The following PPP3CA variants were observed in gnomAD, a reference collection of about 807,000 sequenced individuals.
The protein encoded by PPP3CA is CAM-PRP catalytic subunit.
In PPP3CA, 14 loss-of-function variants were observed where a neutral mutation model predicts 66.5. The ratio of observed to expected loss-of-function variants is 0.21; its 90% CI spans 0.14 to 0.33. The LOEUF (loss-of-function observed/expected upper bound fraction) is 0.33. Among genes scored for constraint, PPP3CA ranks in the 10% least tolerant of loss-of-function variants. The pLI is 1.00. For synonymous variants in PPP3CA, 232 were observed against 226.2 expected, an observed-to-expected ratio of 1.03 and a Z score of -0.23; for missense variants, 317 against 639.5, an observed-to-expected ratio of 0.50 and a Z score of 5.44.
At chr4:101,268,078 A>T (rs935820648) in intron 1 of PPP3CA, among the ~76,000 whole-genome samples, 14 of 152,006 alleles carry the variant, frequency 9.2e-5, no homozygotes, top group Non-Finnish European at 1.8e-4. Flanking sequence ...AGGATGAAGC[A>T]GGAGGATTAC....
intron 2 of PPP3CA, among the ~76,000 whole-genome samples, chr4:101,126,227 A>G (rs999261819): frequency 6.6e-6 from 1 of 152,170 alleles, no homozygotes; most frequent in African/African-American, 2.4e-5. Flanking sequence ...TATGGTGAAA[A>G]CATTTTAAGT....
chr4:101,131,488 TAAAA>T (rs747605400), intron 2 of PPP3CA, among the ~76,000 whole-genome samples: 6 of 141,590 alleles, frequency 4.2e-5, no homozygotes, highest in African/African-American at 1.3e-4. Flanking sequence ...CCAACAAAGA[TAAAA>T]AAAAAGACAA....
At chr4:101,147,479 GAC>G (rs1234769316) in intron 2 of PPP3CA, among the ~76,000 whole-genome samples, 1 of 152,084 alleles carries the variant, frequency 6.6e-6, no homozygotes, top group African/African-American at 2.4e-5. Context: ...ACTAAAAAAA[GAC>G]ACAGAGTTCC....
At chr4:101,088,356 C>T (rs1439522750) in intron 6 of PPP3CA, among the ~76,000 whole-genome samples, 2 of 151,784 alleles carry the variant, frequency 1.3e-5, no homozygotes, top group South Asian at 2.1e-4. Flanking sequence ...GAGGCCGAGG[C>T]GGGTGGATCA....
intron 3 of PPP3CA, among the ~76,000 whole-genome samples, chr4:101,106,460 GA>G (rs1560605225): frequency 0.16 from 3,775 of 23,066 alleles, 731 homozygotes; most frequent in African/African-American, 0.22. Flanking sequence ...AAAGAGAAAA[GA>G]AAAGAAAAGA....
At chr4:101,237,750 TGCA>T (rs1726173434) in intron 1 of PPP3CA, among the ~76,000 whole-genome samples, 1 of 152,106 alleles carries the variant, frequency 6.6e-6, no homozygotes, top group Admixed American at 6.5e-5. Flanking sequence ...GGGGGGCAAC[TGCA>T]GCAGATGCTG....
At chr4:101,165,938 AAAGGTAG>A (rs1188812488) in intron 2 of PPP3CA, among the ~76,000 whole-genome samples, 5 of 152,198 alleles carry the variant, frequency 3.3e-5, no homozygotes, top group Non-Finnish European at 7.4e-5. Flanking sequence ...TGGAATGATC[AAAGGTAG>A]AAGATGGTAG....
At chr4:101,286,857 A>G (rs978542051) in intron 1 of PPP3CA, among the ~76,000 whole-genome samples, 4 of 152,218 alleles carry the variant, frequency 2.6e-5, no homozygotes, top group African/African-American at 9.6e-5. Flanking sequence ...TAAGTGGGTC[A>G]GCTGTCACCT....
chr4:101,249,218 CTT>C (rs1419938007), intron 1 of PPP3CA, among the ~76,000 whole-genome samples: 3 of 151,656 alleles, frequency 2.0e-5, no homozygotes, highest in Non-Finnish European at 4.4e-5. Flanking sequence ...TTTTAAAATG[CTT>C]TTCTAAATGT....
chr4:101,124,725 G>GAAAGAGAAAGAAAA (rs1412415941), intron 2 of PPP3CA, among the ~76,000 whole-genome samples: 2 of 58,768 alleles, frequency 3.4e-5, no homozygotes, highest in African/African-American at 1.1e-4. Context: ...AAGAAAGAAA[G>GAAAGAGAAAGAAAA]AGAAAGAAAG....
At chr4:101,053,351 G>A (rs1346855075) in intron 10 of PPP3CA, among the ~76,000 whole-genome samples, 3 of 152,226 alleles carry the variant, frequency 2.0e-5, no homozygotes, top group Non-Finnish European at 2.9e-5. Context: ...TGCACTGGGT[G>A]CAAATATTTT....
chr4:101,281,139 G>T (rs924519302), intron 1 of PPP3CA, among the ~76,000 whole-genome samples: 2 of 152,188 alleles, frequency 1.3e-5, no homozygotes, highest in Non-Finnish European at 2.9e-5. Context: ...TGACAACACT[G>T]AGGTTATTGG....
intron 2 of PPP3CA, among the ~76,000 whole-genome samples, chr4:101,140,185 G>A (rs1722759368): frequency 6.6e-6 from 1 of 152,146 alleles, no homozygotes; most frequent in African/African-American, 2.4e-5. Context: ...GTTTCCTAAA[G>A]GAGATTACTT....
At chr4:101,273,331 G>A (rs1237547998) in intron 1 of PPP3CA, among the ~76,000 whole-genome samples, 1 of 149,726 alleles carries the variant, frequency 6.7e-6, no homozygotes, top group African/African-American at 2.5e-5. Flanking sequence ...TTGCTCTGTC[G>A]CCCAGGCTGG....
chr4:101,063,407 T>C, intron 8 of PPP3CA, 50 bp from the exon 9 acceptor site: 1 of 1,577,096 alleles, frequency 6.3e-7, no homozygotes, highest in Non-Finnish European at 8.6e-7. Flanking sequence ...TATTTCTGCT[T>C]CTATGTATGG....
intron 2 of PPP3CA, among the ~76,000 whole-genome samples, chr4:101,120,823 G>A (rs1331463537): frequency 6.6e-6 from 1 of 152,014 alleles, no homozygotes; most frequent in Non-Finnish European, 1.5e-5. Context: ...AGGTGTCACA[G>A]TATCTTAAAC....
chr4:101,337,909 G>A (rs973886978), intron 1 of PPP3CA, among the ~76,000 whole-genome samples: 1 of 152,204 alleles, frequency 6.6e-6, no homozygotes, highest in Non-Finnish European at 1.5e-5. Context: ...TGACTCATGA[G>A]CAGCCTGTAC....
At chr4:101,227,570 A>T (rs927770515) in intron 1 of PPP3CA, among the ~76,000 whole-genome samples, 2 of 151,642 alleles carry the variant, frequency 1.3e-5, no homozygotes, top group African/African-American at 4.8e-5. Context: ...TTCTTTTTTT[A>T]AAAAACTTTT....
intron 1 of PPP3CA, among the ~76,000 whole-genome samples, chr4:101,210,939 G>C (rs530840049): frequency 6.6e-6 from 1 of 152,096 alleles, no homozygotes; most frequent in Non-Finnish European, 1.5e-5. Context: ...GAGAGTAAGA[G>C]TAGTAATTAT....
Sources: gnomAD v4.1 joint callset for allele counts (sites outside exome capture counted in the v4.1 genomes callset) on GRCh38, gnomAD v4.1.1 for gene constraint, MANE v1.5 for transcripts, NCBI Gene and HGNC (gene_info 2026-07-23, HGNC 2026-07-21) for gene names.